TNFSF4: variants seen among roughly 807,000 people sequenced by gnomAD.
TNFSF4 encodes tumor necrosis factor ligand superfamily member 4.
A neutral mutation model predicts 7.3 loss-of-function variants in TNFSF4; 4 were observed. The ratio of observed to expected loss-of-function variants is 0.55; its 90% confidence interval spans 0.27 to 1.25. The LOEUF is 1.25. TNFSF4 is among the 50% of genes most tolerant of loss of function. TNFSF4 has a pLI of 0.12. For synonymous variants in TNFSF4, 76 were observed against 83.7 expected (o/e 0.91, Z 0.50); for missense variants, 181 against 208.8 (o/e 0.87, Z 0.82).
the TNFSF4 span, among the ~76,000 whole-genome samples, chr1:173,260,437 G>A: frequency 2.0e-5 from 3 of 152,036 alleles, no homozygotes; most frequent in Admixed American, 6.6e-5. Flanking sequence ...CATTAACAAG[G>A]CTGAAAAATA....
At chr1:173,398,499 A>G in the TNFSF4 span, among the ~76,000 whole-genome samples, 8 of 135,032 alleles carry the variant, frequency 5.9e-5, no homozygotes, top group Non-Finnish European at 1.2e-4. Context: ...ATCTCGGCTT[A>G]CTGCAAGCTC....
the TNFSF4 span, among the ~76,000 whole-genome samples, chr1:173,257,489 C>T: frequency 6.6e-6 from 1 of 152,250 alleles, no homozygotes; most frequent in African/African-American, 2.4e-5. Flanking sequence ...CCAGCCCACC[C>T]TCACTTCTGA....
intron 1 of TNFSF4, among the ~76,000 whole-genome samples, chr1:173,206,326 T>C (rs1650188071): frequency 6.6e-6 from 1 of 152,022 alleles, no homozygotes; most frequent in Non-Finnish European, 1.5e-5. Context: ...GGAACAAGAA[T>C]AAAGTGAAAG....
At chr1:173,350,913 G>A in the TNFSF4 span, among the ~76,000 whole-genome samples, 2 of 152,196 alleles carry the variant, frequency 1.3e-5, no homozygotes, top group African/African-American at 4.8e-5. Context: ...GAGGAGAGAA[G>A]ATGAGGGTAT....
At chr1:173,351,580 T>C in the TNFSF4 span, 1 of 196,576 alleles carries the variant, frequency 5.1e-6, no homozygotes, top group African/African-American at 2.3e-5. Context: ...ATTTTTTAAT[T>C]TGGCAAGAAG....
At chr1:173,406,407 T>C in the TNFSF4 span, among the ~76,000 whole-genome samples, 2 of 152,290 alleles carry the variant, frequency 1.3e-5, no homozygotes, top group African/African-American at 4.8e-5. Context: ...AATTATTAAA[T>C]ACCTACTATG....
the TNFSF4 span, among the ~76,000 whole-genome samples, chr1:173,248,449 A>G: frequency 6.6e-6 from 1 of 150,956 alleles, no homozygotes; most frequent in Non-Finnish European, 1.5e-5. Flanking sequence ...GAGGAGAAAG[A>G]GAGAGGGAGA....
At chr1:173,412,055 G>C in the TNFSF4 span, among the ~76,000 whole-genome samples, 1 of 150,150 alleles carries the variant, frequency 6.7e-6, no homozygotes, top group Non-Finnish European at 1.5e-5. Flanking sequence ...GGCGGAGGTT[G>C]CAGTGAGCTG....
chr1:173,210,055 G>A (rs1303403072), upstream of TNFSF4, among the ~76,000 whole-genome samples: 1 of 150,542 alleles, frequency 6.6e-6, no homozygotes. Context: ...TCTTTGGTTT[G>A]AGGGTTTTGT....
chr1:173,306,423 A>G, the TNFSF4 span, among the ~76,000 whole-genome samples: 1 of 151,908 alleles, frequency 6.6e-6, no homozygotes, highest in African/African-American at 2.4e-5. Context: ...GGGGCCCCTC[A>G]GGGACTGGAG....
the TNFSF4 span, among the ~76,000 whole-genome samples, chr1:173,328,102 C>A: frequency 6.6e-6 from 1 of 152,064 alleles, no homozygotes; most frequent in Non-Finnish European, 1.5e-5. Flanking sequence ...TTGGAACCAA[C>A]CCAAATGTCC....
chr1:173,241,881 A>G, the TNFSF4 span, among the ~76,000 whole-genome samples: 9 of 152,338 alleles, frequency 5.9e-5, no homozygotes, highest in South Asian at 2.1e-4. Flanking sequence ...GGTCTGGCTG[A>G]TACGGGAACT....
At chr1:173,304,836 C>G in the TNFSF4 span, among the ~76,000 whole-genome samples, 1 of 151,996 alleles carries the variant, frequency 6.6e-6, no homozygotes, top group African/African-American at 2.4e-5. Context: ...CACATTGTCA[C>G]TTCCACCATA....
chr1:173,233,816 A>C, the TNFSF4 span, among the ~76,000 whole-genome samples: 1 of 152,224 alleles, frequency 6.6e-6, no homozygotes, highest in Admixed American at 6.5e-5. Flanking sequence ...TTAAAGACTT[A>C]CATGTTAGAC....
chr1:173,261,245 A>G, the TNFSF4 span, among the ~76,000 whole-genome samples: 1 of 152,224 alleles, frequency 6.6e-6, no homozygotes, highest in Admixed American at 6.5e-5. Context: ...AAATAATGAA[A>G]TTAAGGCAGA....
the TNFSF4 span, among the ~76,000 whole-genome samples, chr1:173,415,131 G>T: frequency 6.6e-6 from 1 of 152,136 alleles, no homozygotes; most frequent in Non-Finnish European, 1.5e-5. Context: ...CTCACCTATT[G>T]CAATAATCTT....
the TNFSF4 span, among the ~76,000 whole-genome samples, chr1:173,426,330 T>C: frequency 1.3e-5 from 2 of 152,286 alleles, no homozygotes; most frequent in East Asian, 1.9e-4. Flanking sequence ...GAGAGGCAGA[T>C]AGGCAAGAGA....
At chr1:173,180,626 G>A (rs1045736245), downstream of TNFSF4, among the ~76,000 whole-genome samples, 10 of 152,166 alleles carry the variant, frequency 6.6e-5, no homozygotes, top group Non-Finnish European at 1.0e-4. Context: ...AACCATGCAT[G>A]CAATGAGAAT....
the TNFSF4 span, among the ~76,000 whole-genome samples, chr1:173,212,810 T>C: frequency 2.0e-5 from 3 of 151,984 alleles, no homozygotes; most frequent in Non-Finnish European, 4.4e-5. Flanking sequence ...TAAATACATA[T>C]ACCTACTATG....
Sources: gnomAD v4.1 joint callset for allele counts (sites outside exome capture counted in the v4.1 genomes callset) on GRCh38, gnomAD v4.1.1 for gene constraint, MANE v1.5 for transcripts, NCBI Gene and HGNC (gene_info 2026-07-23, HGNC 2026-07-21) for gene names.